TEKT5: variants seen among roughly 807,000 people sequenced by gnomAD.
TEKT5 encodes the protein tektin-5.
In TEKT5, 52 loss-of-function variants were observed where a neutral mutation model predicts 48.7. That is an observed-to-expected ratio of 1.07 (90% CI 0.86 to 1.35). The LOEUF (loss-of-function observed/expected upper bound fraction) is 1.35. TEKT5 is among the 40% of genes most tolerant of loss of function. The pLI, the probability that TEKT5 is intolerant of heterozygous loss-of-function variation, is 0.00. For missense variants in TEKT5, 831 were observed against 641.6 expected (o/e 1.30, Z -3.19); for synonymous variants, 318 against 267.6 (o/e 1.19, Z -1.84).
rs140720417 is a variant in TEKT5 at position 10,690,862 on chromosome 16, C to G, written c.565-837G>C. On this transcript the variant is annotated intron_variant, in intron 1 of 6. Coordinates refer to ENST00000283025, the MANE Select transcript of TEKT5 (RefSeq NM_144674.2). ...AAGCAGGATGTCAAGGTCTGGATGTCAGGATGCAAATGTATGTGAGAACTC... is the reference window on the plus strand; with the variant it reads ...AAGCAGGATGTCAAGGTCTGGATGTGAGGATGCAAATGTATGTGAGAACTC... The G allele has an allele frequency of 9.1e-4, 786 of 865,564 alleles. 6 individuals are homozygous for G. The African/African-American group carries it at 0.013, about 14-fold the overall frequency. 53.6% of individuals were successfully genotyped at this position (865,564 alleles called of 1,614,324 possible).
At chr16:10,650,505 G>A (rs77052392) in intron 5 of TEKT5, among the ~76,000 whole-genome samples, 3,784 of 152,170 alleles carry the variant, frequency 0.025, 172 homozygotes, top group African/African-American at 0.087. Flanking sequence ...ATGTGGGTGT[G>A]CACTCTGCCA....
At chr16:10,687,599 A>G (rs1898885732) in intron 3 of TEKT5, among the ~76,000 whole-genome samples, 1 of 152,200 alleles carries the variant, frequency 6.6e-6, no homozygotes, top group African/African-American at 2.4e-5. Context: ...CTAAAAATAC[A>G]TAAAATAGCT....
chr16:10,629,529 G>A (rs1351130313), intron 6 of TEKT5, among the ~76,000 whole-genome samples: 1 of 152,146 alleles, frequency 6.6e-6, no homozygotes, highest in African/African-American at 2.4e-5. Flanking sequence ...GGGATTACAG[G>A]CATGAGCCAC....
chr16:10,632,860 A>ACAGATG (rs1427501086), intron 6 of TEKT5, among the ~76,000 whole-genome samples: 6 of 143,934 alleles, frequency 4.2e-5, no homozygotes, highest in Admixed American at 1.4e-4. Context: ...CACAACATAC[A>ACAGATG]CAGATGCAGA....
chr16:10,673,011 A>C (rs1162383896), intron 5 of TEKT5, among the ~76,000 whole-genome samples: 2 of 152,054 alleles, frequency 1.3e-5, no homozygotes, highest in Non-Finnish European at 2.9e-5. Flanking sequence ...CTCATTCTAC[A>C]AACAAGGAGA....
rs1184775118 is a variant in TEKT5, at chr16:10,627,700, C to T, written c.1341G>A (p.Lys447=). 5.0e-6 allele frequency: 8 copies of T among 1,614,114 alleles called. No homozygotes were observed. The highest frequency in any genetic ancestry group is 6.8e-6 in the Non-Finnish European group (8 of 1,180,050). ...TGGCGAGCTCGTGCTCCAGCCGGCACTTGGTCATGACCAGCAGCTGCAGCG... is the reference window on the plus strand; with the variant it reads ...TGGCGAGCTCGTGCTCCAGCCGGCATTTGGTCATGACCAGCAGCTGCAGCG... ...QDTLQLLVMT[K]CRLEHELAIK... Residue 447 remains lysine (K), a synonymous_variant, in exon 7 of 7, where the codon AAG becomes AAA. Transcript: ENST00000283025.
chr16:10,663,331 T>A (rs192212956), intron 5 of TEKT5, among the ~76,000 whole-genome samples: 165 of 152,252 alleles, frequency 1.1e-3, no homozygotes, highest in African/African-American at 3.7e-3. Flanking sequence ...ATTTTTGATG[T>A]GGAAGGAAAA....
intron 5 of TEKT5, among the ~76,000 whole-genome samples, chr16:10,643,775 C>T (rs563443361): frequency 1.3e-5 from 2 of 152,212 alleles, no homozygotes; most frequent in East Asian, 1.9e-4. Context: ...GGGTGGCTCA[C>T]GCCTGTTTTA....
chr16:10,644,329 C>T (rs921164852), intron 5 of TEKT5, among the ~76,000 whole-genome samples: 4 of 152,182 alleles, frequency 2.6e-5, no homozygotes, highest in African/African-American at 7.2e-5. Context: ...AGTGCATCAT[C>T]AGAGGTGGAC....
chr16:10,681,402 T>C (rs1898747755), intron 4 of TEKT5, among the ~76,000 whole-genome samples: 1 of 146,760 alleles, frequency 6.8e-6, no homozygotes, highest in African/African-American at 2.6e-5. Context: ...TCTCTCTCTC[T>C]CTCTCTCTGG....
intron 5 of TEKT5, among the ~76,000 whole-genome samples, chr16:10,650,597 A>C (rs1453876724): frequency 7.0e-6 from 1 of 142,150 alleles, no homozygotes; most frequent in African/African-American, 2.7e-5. Context: ...GAAAAAAGCC[A>C]CATCTGGCCA....
At chr16:10,676,995 G>GC (rs1447864632) in intron 4 of TEKT5, among the ~76,000 whole-genome samples, 1 of 152,198 alleles carries the variant, frequency 6.6e-6, no homozygotes, top group Non-Finnish European at 1.5e-5. Context: ...ACCACACTGG[G>GC]CAATGTGGTG....
At position 10,694,393 on chromosome 16, in the gene TEKT5, T is replaced by G. The variant is rs1314478018; in HGVS notation, c.481A>C (p.Arg161=). 6.2e-7 allele frequency: 1 copy of G among 1,614,154 alleles called. No homozygotes were observed. Among genetic ancestry groups the G allele is most frequent in the East Asian group, 2.2e-5 (1 of 44,884 alleles). Residue 161 remains arginine (R), a synonymous_variant, in exon 1 of 7, where the codon AGG becomes CGG. Transcript: ENST00000283025. ...AAGTTCTGGTTCTCAGTCAGAAGCC[T>G]GTCCAGCTCATAGCTCAGCTCTGAC... ...WKSELSYELD[R]LLTENQNLET...
Position 10,694,784 on chromosome 16 carries a change from T to C in TEKT5, c.90A>G (p.Pro30=), listed in dbSNP as rs1310965405. ...AGGGCTGATAGCATTCCTGGATCACTGGCGCCTGTACAGCTGGCAGTGAGG... is the reference window on the plus strand; with the variant it reads ...AGGGCTGATAGCATTCCTGGATCACCGGCGCCTGTACAGCTGGCAGTGAGG... ...GLTSLPAVQA[P]VIQECYQPYY... is the part of the protein sequence containing the mutation. Residue 30 remains proline (P), a synonymous_variant, in exon 1 of 7, where the codon CCA becomes CCG. Coordinates refer to ENST00000283025, the MANE Select transcript of TEKT5 (RefSeq NM_144674.2). 2 of 1,613,764 alleles carry C rather than the reference T, an allele frequency of 1.2e-6. No homozygotes were observed. Among genetic ancestry groups the C allele is most frequent in the Non-Finnish European group, 1.7e-6 (2 of 1,179,836 alleles).
At chr16:10,654,455 G>A (rs111978296) in intron 5 of TEKT5, among the ~76,000 whole-genome samples, 1 of 152,206 alleles carries the variant, frequency 6.6e-6, no homozygotes, top group African/African-American at 2.4e-5. Flanking sequence ...TTTGAGGTGT[G>A]TCTGTGAAGG....
At chr16:10,655,252 AT>A (rs1480275222) in intron 5 of TEKT5, among the ~76,000 whole-genome samples, 1 of 152,054 alleles carries the variant, frequency 6.6e-6, no homozygotes, top group Admixed American at 6.6e-5. Flanking sequence ...CTCCAACCAT[AT>A]TTACACGTTC....
intron 5 of TEKT5, among the ~76,000 whole-genome samples, chr16:10,668,508 C>T: frequency 6.6e-6 from 1 of 152,164 alleles, no homozygotes; most frequent in East Asian, 1.9e-4. Context: ...AGCACAAAAG[C>T]ATTTCCCACT....
At chr16:10,635,677 AG>A in intron 6 of TEKT5, 86 bp downstream of exon 6, 1 of 1,532,534 alleles carries the variant, frequency 6.5e-7, no homozygotes, top group Non-Finnish European at 8.8e-7. Flanking sequence ...TTTCAGACCC[AG>A]TGCACCTAGA....
intron 4 of TEKT5, among the ~76,000 whole-genome samples, chr16:10,681,729 G>GACCAC (rs1262077183): frequency 3.3e-5 from 5 of 151,986 alleles, no homozygotes; most frequent in Admixed American, 3.3e-4. Context: ...AAGGCGCTCT[G>GACCAC]ACCACACAGC....
Sources: allele counts gnomAD v4.1 joint callset (sites outside exome capture counted in the v4.1 genomes callset), GRCh38; gene constraint gnomAD v4.1.1; transcripts MANE v1.5; gene names NCBI Gene and HGNC (gene_info 2026-07-23, HGNC 2026-07-21).